DNAH6: variants seen among roughly 807,000 people sequenced by gnomAD.
DNAH6 encodes the protein axonemal beta dynein heavy chain 6.
A neutral mutation model predicts 491.4 loss-of-function variants in DNAH6; 340 were observed. The ratio of observed to expected loss-of-function variants is 0.69; its 90% CI spans 0.63 to 0.76. The LOEUF (loss-of-function observed/expected upper bound fraction) is 0.76. Ranked by LOEUF, DNAH6 falls within the 30% of genes least tolerant of loss-of-function variation. The pLI, the probability that DNAH6 is intolerant of heterozygous loss-of-function variation, is 0.00. For missense variants in DNAH6, 4,443 were observed against 4,972.2 expected (o/e 0.89, Z 3.20); for synonymous variants, 1,603 against 1,686.1 (o/e 0.95, Z 1.21).
Position 84,525,544 on chromosome 2 carries a change from ATG to A in DNAH6, c.226-19_226-18del. On this transcript the variant is annotated intron_variant, in intron 2 of 76. Transcript: ENST00000389394. ...TATACGAATGTTAATAAAAATTAAC[ATG>A]TCTCTCTATTTCCCAAAGCCAGTGC... The A allele has an allele frequency of 6.6e-7, 1 of 1,526,068 alleles. No individual in the cohort carries two copies. 94.5% of individuals were successfully genotyped at this position (1,526,068 alleles called of 1,614,324 possible). A position where few individuals can be genotyped will look rare whatever the true frequency, so the allele number is the denominator to read the frequency against.
chr2:84,595,227 A>T (rs1022619844), intron 17 of DNAH6, among the ~76,000 whole-genome samples: 29 of 152,240 alleles, frequency 1.9e-4, no homozygotes, highest in African/African-American at 6.3e-4. Flanking sequence ...TAATTGAGAA[A>T]AACAATTATA....
intron 18 of DNAH6, among the ~76,000 whole-genome samples, chr2:84,598,126 C>T (rs1039047485): frequency 5.0e-5 from 4 of 80,540 alleles, no homozygotes; most frequent in East Asian, 3.8e-4. Flanking sequence ...TTCTATCTTT[C>T]TTTTCTTTCT....
chr2:84,589,035 C>T, intron 16 of DNAH6, 81 bp downstream of exon 16: 2 of 1,254,950 alleles, frequency 1.6e-6, no homozygotes, highest in Non-Finnish European at 2.1e-6. Flanking sequence ...AATAATGTAA[C>T]TGTAAACATT....
chr2:84,758,213 T>G (rs367690187), intron 63 of DNAH6, among the ~76,000 whole-genome samples: 1 of 152,260 alleles, frequency 6.6e-6, no homozygotes, highest in South Asian at 2.1e-4. Flanking sequence ...AAGCATTTCA[T>G]GAGTGTGTTA....
intron 70 of DNAH6, among the ~76,000 whole-genome samples, chr2:84,804,766 C>A (rs1573863191): frequency 6.6e-6 from 1 of 152,060 alleles, no homozygotes; most frequent in African/African-American, 2.4e-5. Context: ...ACATTTTAAT[C>A]ATTTTTAAGC....
chr2:84,733,638 C>A, intron 62 of DNAH6, 59 bp downstream of exon 62: 2 of 1,435,824 alleles, frequency 1.4e-6, no homozygotes, highest in South Asian at 3.0e-5. Context: ...GAATCCTAAT[C>A]TTAATGTTTT....
In DNAH6 at chr2:84,633,168, T is replaced by C. The variant is rs536981881; in HGVS notation, c.4516-1336T>C. Among the ~76,000 whole-genome samples, 8 of 152,324 alleles carry C rather than the reference T, an allele frequency of 5.3e-5. No individual in the cohort carries two copies. In the South Asian group the frequency reaches 1.7e-3, roughly 32 times the overall value. ...AATAAGGATTTTCCTTCTAAAGTAG[T>C]ACATTTCAGTGGGTTTCACTTTCTT... On this transcript the variant is annotated intron_variant, in intron 29 of 76. Coordinates refer to ENST00000389394, the MANE Select transcript of DNAH6 (RefSeq NM_001370.2).
intron 14 of DNAH6, among the ~76,000 whole-genome samples, chr2:84,581,907 A>G (rs1232861570): frequency 6.6e-6 from 1 of 152,180 alleles, no homozygotes; most frequent in Non-Finnish European, 1.5e-5. Context: ...ATACCGGTAT[A>G]GGGAGGGTAG....
the DNAH6 span, among the ~76,000 whole-genome samples, chr2:84,477,443 C>T: frequency 7.2e-5 from 11 of 152,084 alleles, no homozygotes; most frequent in African/African-American, 1.9e-4. Flanking sequence ...TTTAAGATGG[C>T]GTTTCTCTGG....
chr2:84,808,679 T>A, intron 72 of DNAH6, 137 bp downstream of exon 72: 1 of 804,250 alleles, frequency 1.2e-6, no homozygotes, highest in Non-Finnish European at 1.9e-6. Context: ...CCAATGAGTC[T>A]AAAAATGAAT....
At chr2:84,725,107 A>G (rs148043642) in intron 60 of DNAH6, among the ~76,000 whole-genome samples, 186 of 152,316 alleles carry the variant, frequency 1.2e-3, no homozygotes, top group East Asian at 4.8e-3. Flanking sequence ...CATATCCCCA[A>G]TGGTGCTTAG....
chr2:84,651,331 C>T (rs1047898107), intron 33 of DNAH6, among the ~76,000 whole-genome samples: 4 of 152,180 alleles, frequency 2.6e-5, no homozygotes, highest in Admixed American at 1.3e-4. Context: ...GATGAAAGTA[C>T]ATCCCTATTT....
chr2:84,784,072 A>G (rs1335493813), intron 65 of DNAH6, among the ~76,000 whole-genome samples: 1 of 152,224 alleles, frequency 6.6e-6, no homozygotes, highest in Non-Finnish European at 1.5e-5. Flanking sequence ...AACCAATGCC[A>G]AGGAATTTGT....
Position 84,688,613 on chromosome 2 carries a change from C to T in DNAH6, c.7292+20C>T. 6.7e-7 allele frequency: 1 copy of T among 1,496,836 alleles called. No homozygotes were observed. The highest frequency in any genetic ancestry group is 1.4e-5 in the South Asian group (1 of 73,432). The allele number at this position is 1,496,836 out of a possible 1,614,324, so 92.7% of individuals were successfully genotyped here. ...TTCAAGGTATAGTGCTATAAGGCGC[C>T]CAATAATGCATTGATTTAATATTTT... On this transcript the variant is annotated intron_variant, in intron 45 of 76. Transcript: ENST00000389394.
intron 64 of DNAH6, among the ~76,000 whole-genome samples, chr2:84,764,835 A>G (rs1674929270): frequency 6.6e-6 from 1 of 152,120 alleles, no homozygotes; most frequent in South Asian, 2.1e-4. Context: ...GTTGATGAGT[A>G]CCTACCTAAG....
intron 12 of DNAH6, among the ~76,000 whole-genome samples, chr2:84,575,833 G>C (rs1048610259): frequency 6.6e-6 from 1 of 152,144 alleles, no homozygotes; most frequent in Admixed American, 6.5e-5. Context: ...GCAGTGAGCC[G>C]AGATCGCGCC....
chr2:84,633,707 T>C (rs1251762323), intron 29 of DNAH6, among the ~76,000 whole-genome samples: 1 of 151,862 alleles, frequency 6.6e-6, no homozygotes, highest in Non-Finnish European at 1.5e-5. Flanking sequence ...TTTTTTTTTT[T>C]CAAAACCTTC....
chr2:84,635,332 A>T (rs906010346), intron 30 of DNAH6, among the ~76,000 whole-genome samples: 3 of 152,228 alleles, frequency 2.0e-5, no homozygotes, highest in Admixed American at 6.5e-5. Context: ...CTTACACCAA[A>T]TCTACGTGAA....
At chr2:84,701,558 G>A (rs1440131223) in intron 49 of DNAH6, among the ~76,000 whole-genome samples, 1 of 152,178 alleles carries the variant, frequency 6.6e-6, no homozygotes, top group Non-Finnish European at 1.5e-5. Context: ...GCTGGCATCT[G>A]CTCAGCTTTT....
Sources: gnomAD v4.1 joint callset for allele counts (sites outside exome capture counted in the v4.1 genomes callset) on GRCh38, gnomAD v4.1.1 for gene constraint, MANE v1.5 for transcripts, NCBI Gene and HGNC (gene_info 2026-07-23, HGNC 2026-07-21) for gene names.